Variants in CCDC22 observed in about 807,000 individuals in gnomAD.
The protein encoded by CCDC22 is coiled-coil domain-containing protein 22.
A neutral mutation model predicts 53.1 loss-of-function variants in CCDC22; 4 were observed. That is an observed-to-expected ratio of 0.08 (90% CI 0.04 to 0.17). CCDC22 has a LOEUF of 0.17. Among genes scored for constraint, CCDC22 ranks in the 10% least tolerant of loss-of-function variants. The pLI, the probability that CCDC22 is intolerant of heterozygous loss-of-function variation, is 1.00. For missense variants in CCDC22, 458 were observed against 554.0 expected, an observed-to-expected ratio of 0.83 and a Z score of 1.74; for synonymous variants, 222 against 224.4, an observed-to-expected ratio of 0.99 and a Z score of 0.10.
intron 2 of CCDC22, among the ~76,000 whole-genome samples, chrX:49,241,486 CA>C (rs386416987): frequency 0.034 from 2,247 of 66,512 alleles, 37 homozygotes; most frequent in South Asian, 0.076. Flanking sequence ...GACCCTGTCT[CA>C]AAAAAAAAAA....
At chrX:49,235,828 C>G in intron 1 of CCDC22, 142 bp downstream of exon 1, 1 of 327,152 alleles carries the variant, frequency 3.1e-6, no homozygotes, top group African/African-American at 3.6e-5. Context: ...CACCCCCTTA[C>G]ACACACACAC....
rs782487743 is a variant in CCDC22 at position 49,246,897 on chromosome X, C to T, written c.881C>T (p.Thr294Met). The T allele has an allele frequency of 2.6e-5, 31 of 1,197,259 alleles. No individual in the cohort carries two copies. The highest frequency in any genetic ancestry group is 1.2e-4 in the East Asian group (4 of 33,143). Reference protein sequence around the residue: ...KTGAPKGSRFTHSEKFTFHLE... With the variant: ...KTGAPKGSRFMHSEKFTFHLE... ...GGTGCTCCTAAGGGCTCCCGCTTCA[C>T]GCACTCAGAGAAGTTCACCTTCCAT... The change falls in exon 7 of 17, where the codon ACG (threonine) becomes ATG (methionine). Residue 294 changes from threonine to methionine, a missense_variant. Thr to Met is a moderately conservative substitution (Grantham distance 81). Coordinates refer to ENST00000376227, the MANE Select transcript of CCDC22 (RefSeq NM_014008.5).
At chrX:49,245,586 T>A (rs1441525218) in intron 6 of CCDC22, among the ~76,000 whole-genome samples, 1 of 111,766 alleles carries the variant, frequency 8.9e-6, no homozygotes, top group Non-Finnish European at 1.9e-5. Context: ...TTGGCCAGGA[T>A]GGTCTCGATC....
intron 6 of CCDC22, 98 bp downstream of exon 6, chrX:49,243,560 A>G: frequency 1.4e-6 from 1 of 707,232 alleles, no homozygotes; most frequent in South Asian, 3.0e-5. Flanking sequence ...CCTCCCTTCC[A>G]TTGTTTCCCC....
At chrX:49,247,820 C>T (rs782211209) in intron 9 of CCDC22, 52 bp downstream of exon 9, 45 of 1,195,173 alleles carry the variant, frequency 3.8e-5, no homozygotes, top group Non-Finnish European at 4.5e-5. Context: ...AGGAGGGCCT[C>T]GGGGTGTGAG....
intron 6 of CCDC22, 22 bp downstream of exon 6, chrX:49,243,484 C>T (rs1557113754): frequency 6.3e-6 from 7 of 1,115,986 alleles, no homozygotes; most frequent in Non-Finnish European, 8.4e-6. Flanking sequence ...TGCCTGGCTC[C>T]CTGCTGTCTG....
chrX:49,247,354 A>T, intron 7 of CCDC22, 142 bp from the exon 8 acceptor site: 2 of 542,917 alleles, frequency 3.7e-6, no homozygotes, highest in Non-Finnish European at 6.1e-6. Flanking sequence ...GCCTTTACCC[A>T]CATAGTCACA....
intron 7 of CCDC22, 195 bp downstream of exon 7, chrX:49,247,120 G>A (rs1557114357): frequency 2.2e-6 from 1 of 452,134 alleles, no homozygotes; most frequent in East Asian, 3.7e-5. Context: ...ATGTGGATAG[G>A]TGGGAACCAT....
At chrX:49,237,759 CTTTT>C (rs782723167) in intron 2 of CCDC22, among the ~76,000 whole-genome samples, 1 of 94,133 alleles carries the variant, frequency 1.1e-5, no homozygotes. Flanking sequence ...ATGGTCATTC[CTTTT>C]TTTTTTTTTT....
Position 49,246,734 on chromosome X carries a change from G to A in CCDC22, c.718G>A (p.Asp240Asn). 8.7e-7 allele frequency: 1 copy of A among 1,148,460 alleles called. No homozygotes were observed. Among genetic ancestry groups the A allele is most frequent in the Non-Finnish European group, 1.2e-6 (1 of 863,113 alleles). 94.6% of individuals were successfully genotyped at this position (1,148,460 alleles called of 1,213,427 possible). A position where few individuals can be genotyped will look rare whatever the true frequency, so the allele number is the denominator to read the frequency against. Residue 240 changes from aspartate (D) to asparagine (N), a missense_variant, in exon 7 of 17, where the codon GAC (aspartate) becomes AAC (asparagine). Asp to Asn is a conservative substitution (Grantham distance 23). This residue lies in a region of CCDC22 where 309 missense variants were observed against 312.3 expected (regional missense o/e 0.99). Transcript: ENST00000376227. Reference protein sequence around the residue: ...HRTSRLPPQEDTRAQRQRLQK... With the variant: ...HRTSRLPPQENTRAQRQRLQK... ...TTCCCCCGCCTTTTCTCCCCAGGAGGACACACGGGCTCAGCGGCAGCGGCT... is the reference window on the plus strand; with the variant it reads ...TTCCCCCGCCTTTTCTCCCCAGGAGAACACACGGGCTCAGCGGCAGCGGCT...
Position 49,235,582 on chromosome X carries a change from C to T in CCDC22, c.-55C>T. The T allele has an allele frequency of 9.3e-7, 1 of 1,080,147 alleles. No individual in the cohort carries two copies. Among genetic ancestry groups the T allele is most frequent in the Non-Finnish European group, 1.3e-6 (1 of 792,875 alleles). 89.0% of individuals were successfully genotyped at this position (1,080,147 alleles called of 1,213,427 possible). On this transcript the variant is annotated 5_prime_UTR_variant, in exon 1 of 17. Coordinates refer to ENST00000376227, the MANE Select transcript of CCDC22 (RefSeq NM_014008.5). ...GGAGCAGGGTTTCTACAGCTGCTCC[C>T]CACTTTCTCGGACCCGGTCCTGGAC...
intron 7 of CCDC22, 130 bp downstream of exon 7, chrX:49,247,055 G>A (rs1557114339): frequency 1.7e-6 from 1 of 581,138 alleles, no homozygotes; most frequent in South Asian, 2.7e-5. Flanking sequence ...TCGCCCCACT[G>A]TGGGATGGGT....
At chrX:49,243,555 C>T (rs978984773) in intron 6 of CCDC22, 93 bp downstream of exon 6, 1 of 749,372 alleles carries the variant, frequency 1.3e-6, no homozygotes, top group Admixed American at 3.8e-5. Flanking sequence ...TTGTCCCTCC[C>T]TTCCATTGTT....
At chrX:49,236,836 T>G in intron 1 of CCDC22, 1 of 318,866 alleles carries the variant, frequency 3.1e-6, no homozygotes, top group East Asian at 4.7e-5. Flanking sequence ...GACTCCCAAA[T>G]TTTGATATTT....
chrX:49,240,573 G>A (rs1042446130), intron 2 of CCDC22, among the ~76,000 whole-genome samples: 1 of 111,525 alleles, frequency 9.0e-6, no homozygotes, highest in African/African-American at 3.3e-5. Flanking sequence ...TAAAAAACAG[G>A]TACATATGGT....
At chrX:49,245,971 TG>T (rs375570294) in intron 6 of CCDC22, among the ~76,000 whole-genome samples, 20 of 65,066 alleles carry the variant, frequency 3.1e-4, no homozygotes, top group African/African-American at 7.2e-4. Context: ...TGTTTTGTTT[TG>T]TTTTTTTTTT....
In CCDC22 at chrX:49,248,533, G is replaced by A; in HGVS notation, c.1329+10G>A. 1 of 1,203,001 alleles carries A rather than the reference G, an allele frequency of 8.3e-7. No individual in the cohort carries two copies. On this transcript the variant is annotated intron_variant, in intron 11 of 16. Transcript: ENST00000376227. ...GCAGGATTGCAGAGAGGTAAGCAGT[G>A]GGGCCCTGGGCTGTGGGCGGGCCAG... is the stretch of plus-strand genomic sequence containing the variant.
At position 49,247,634 on chromosome X, in the gene CCDC22, G is replaced by A. The variant is rs1557114457; in HGVS notation, c.973-15G>A. On this transcript the variant is annotated splice_polypyrimidine_tract_variant and intron_variant, in intron 8 of 16. Coordinates refer to ENST00000376227, the MANE Select transcript of CCDC22 (RefSeq NM_014008.5). Reference sequence around the variant, plus strand: ...GGGCCTGACACCCCAACCCTGACTGGCCTGGGCCTCCCAGGTCACGTGGGC... The same window carrying A: ...GGGCCTGACACCCCAACCCTGACTGACCTGGGCCTCCCAGGTCACGTGGGC... 2 of 1,188,082 alleles carry A rather than the reference G, an allele frequency of 1.7e-6. No homozygotes were observed. The highest frequency in any genetic ancestry group is 3.7e-5 in the South Asian group (2 of 54,206).
At chrX:49,240,253 C>CAA (rs59389390) in intron 2 of CCDC22, among the ~76,000 whole-genome samples, 794 of 54,610 alleles carry the variant, frequency 0.015, 8 homozygotes, top group South Asian at 0.025. Flanking sequence ...ACCCCATCTC[C>CAA]AAAAAAAAAA....
Sources: gnomAD v4.1 joint callset for allele counts (sites outside exome capture counted in the v4.1 genomes callset) on GRCh38, gnomAD v4.1.1 for gene constraint, gnomAD v4.1.1 regional missense constraint, MANE v1.5 for transcripts, NCBI Gene and HGNC (gene_info 2026-07-23, HGNC 2026-07-21) for gene names.